SLX9: variants seen among roughly 807,000 people sequenced by gnomAD.
The protein encoded by SLX9 is ribosome biogenesis protein SLX9 homolog.
Under a neutral mutation model 20.8 loss-of-function variants are expected in SLX9, and 19 were observed. The observed-to-expected ratio is 0.91, with a 90% CI of 0.64 to 1.34. The LOEUF is 1.34. SLX9 is among the 40% of genes most tolerant of loss of function. The pLI is 0.00. For synonymous variants in SLX9, 113 were observed against 137.1 expected (o/e 0.82, Z 1.23); for missense variants, 299 against 322.2 (o/e 0.93, Z 0.55).
intron 2 of SLX9, among the ~76,000 whole-genome samples, chr21:44,955,854 G>A (rs2084848195): frequency 6.6e-6 from 1 of 152,216 alleles, no homozygotes; most frequent in East Asian, 1.9e-4. Flanking sequence ...TCAAACCACA[G>A]CAGTGGAGTT....
chr21:44,952,379 G>C (rs1217634612), intron 2 of SLX9, among the ~76,000 whole-genome samples: 3 of 152,268 alleles, frequency 2.0e-5, no homozygotes, highest in Non-Finnish European at 2.9e-5. Context: ...GCTGTCTGCT[G>C]TCAGGGCTGA....
At position 44,955,152 on chromosome 21, in the gene SLX9, A is replaced by G. The variant is rs796237119; in HGVS notation, c.284-4948A>G. Among the ~76,000 whole-genome samples, 5 of 149,824 alleles carry G rather than the reference A, an allele frequency of 3.3e-5. No individual in the cohort carries two copies. The South Asian group carries it at 6.3e-4, about 19-fold the overall frequency. On this transcript the variant is annotated intron_variant, in intron 2 of 5. Transcript: ENST00000291634. ...AATGGCTTGAACCCAGAAGGCAGAG[A>G]TTGCAAGATCGTGCCACTGCGCTCC...
intron 2 of SLX9, among the ~76,000 whole-genome samples, chr21:44,957,151 C>G (rs2084873441): frequency 6.6e-6 from 1 of 152,240 alleles, no homozygotes; most frequent in African/African-American, 2.4e-5. Context: ...GCCGGGCCGG[C>G]CGGCGTTCCA....
chr21:44,967,101 G>T lies in SLX9; in HGVS notation c.420G>T (p.Val140=), dbSNP rs1473226307. 1 of 1,611,324 alleles carries T rather than the reference G, an allele frequency of 6.2e-7. No individual in the cohort carries two copies. The highest frequency in any genetic ancestry group is 8.5e-7 in the Non-Finnish European group (1 of 1,179,546). Residue 140 remains valine, a synonymous_variant, in exon 4 of 6, where the codon GTG becomes GTT. Coordinates refer to ENST00000291634, the MANE Select transcript of SLX9 (RefSeq NM_058190.4). The stretch of plus-strand genomic sequence containing the variant: ...AGCGGAGGCGGAGGGCCACGGTGGT[G>T]GTGGGGGACCTGCACCCTCTCAGGG... The part of the protein sequence containing the change: ...REERRRRATV[V]VGDLHPLRDA...
At chr21:44,970,476 G>A (rs928355236) in intron 4 of SLX9, among the ~76,000 whole-genome samples, 1 of 152,198 alleles carries the variant, frequency 6.6e-6, no homozygotes, top group Non-Finnish European at 1.5e-5. Context: ...TCTCCTGCCA[G>A]TCCTGCTGTT....
intron 3 of SLX9, among the ~76,000 whole-genome samples, chr21:44,962,057 A>G (rs183721528): frequency 2.2e-4 from 33 of 152,374 alleles, no homozygotes; most frequent in Admixed American, 1.2e-3. Flanking sequence ...GTTTCTGTCC[A>G]TCTACCAACA....
At chr21:44,940,490 C>A (rs2146598067) in intron 1 of SLX9, among the ~76,000 whole-genome samples, 1 of 152,274 alleles carries the variant, frequency 6.6e-6, no homozygotes, top group East Asian at 1.9e-4. Flanking sequence ...GCACTGAGCT[C>A]CCCGGAAAGG....
At chr21:44,974,971 C>G (rs916825498) in intron 5 of SLX9, among the ~76,000 whole-genome samples, 1 of 152,160 alleles carries the variant, frequency 6.6e-6, no homozygotes, top group Non-Finnish European at 1.5e-5. Flanking sequence ...TCCTTGCGGT[C>G]GCGGCATTTT....
chr21:44,953,466 C>T (rs966951588), intron 2 of SLX9, among the ~76,000 whole-genome samples: 5 of 152,174 alleles, frequency 3.3e-5, no homozygotes, highest in Non-Finnish European at 5.9e-5. Context: ...GCCCTGCGTC[C>T]GGGCCTCGGG....
intron 2 of SLX9, among the ~76,000 whole-genome samples, 186 bp from the exon 3 acceptor site, chr21:44,959,914 C>T (rs1488082556): frequency 3.3e-5 from 5 of 152,182 alleles, no homozygotes; most frequent in Non-Finnish European, 2.9e-5. Context: ...CTCCTGAGGC[C>T]GGGCCGAGGC....
chr21:44,959,816 G>A (rs2084922280), intron 2 of SLX9, among the ~76,000 whole-genome samples: 2 of 152,238 alleles, frequency 1.3e-5, no homozygotes, highest in African/African-American at 4.8e-5. Context: ...GAGTGGGGAG[G>A]AGGCCTCCTT....
At chr21:44,967,661 C>A (rs911962142) in intron 4 of SLX9, among the ~76,000 whole-genome samples, 1 of 152,224 alleles carries the variant, frequency 6.6e-6, no homozygotes, top group Non-Finnish European at 1.5e-5. Context: ...TAACACTGCA[C>A]ACCCTGTCCT....
chr21:44,964,181 C>T (rs534630586), intron 3 of SLX9, among the ~76,000 whole-genome samples: 1 of 152,270 alleles, frequency 6.6e-6, no homozygotes, highest in East Asian at 1.9e-4. Flanking sequence ...TTTCTCAGCT[C>T]TCTGCTAGTA....
At chr21:44,969,012 C>T in intron 4 of SLX9, 1 of 379,530 alleles carries the variant, frequency 2.6e-6, no homozygotes, top group South Asian at 2.0e-5. Flanking sequence ...CTCGGCCTCC[C>T]AAAGTGCTGG....
At chr21:44,943,029 T>C (rs981132446) in intron 1 of SLX9, among the ~76,000 whole-genome samples, 4 of 152,206 alleles carry the variant, frequency 2.6e-5, no homozygotes, top group Non-Finnish European at 5.9e-5. Context: ...GGTGGCGTAT[T>C]CTGACCCCCT....
intron 3 of SLX9, among the ~76,000 whole-genome samples, chr21:44,961,632 T>C (rs1407064957): frequency 6.6e-6 from 1 of 152,248 alleles, no homozygotes; most frequent in African/African-American, 2.4e-5. Flanking sequence ...AATCTTCATA[T>C]GTTAGTTGCC....
intron 4 of SLX9, among the ~76,000 whole-genome samples, chr21:44,969,599 AG>A (rs984537627): frequency 6.6e-6 from 1 of 152,142 alleles, no homozygotes; most frequent in African/African-American, 2.4e-5. Context: ...TATTTTAGAC[AG>A]GCTTTAGATT....
At chr21:44,949,644 C>T (rs1165222942) in intron 2 of SLX9, among the ~76,000 whole-genome samples, 1 of 152,200 alleles carries the variant, frequency 6.6e-6, no homozygotes, top group African/African-American at 2.4e-5. Flanking sequence ...GCCGCTTCTG[C>T]CTGCGCCTTC....
At chr21:44,959,399 C>A in intron 2 of SLX9, 1 of 309,164 alleles carries the variant, frequency 3.2e-6, no homozygotes, top group Non-Finnish European at 4.7e-6. Context: ...GAGTCAGAGA[C>A]GCAGCACCCA....
Sources: allele counts gnomAD v4.1 joint callset (sites outside exome capture counted in the v4.1 genomes callset), GRCh38; gene constraint gnomAD v4.1.1; transcripts MANE v1.5; gene names NCBI Gene and HGNC (gene_info 2026-07-23, HGNC 2026-07-21).